The following VWF variants were observed in gnomAD, a reference collection of about 807,000 sequenced individuals.
The protein encoded by VWF is Factor VIII related antigen.
In VWF, 176 loss-of-function variants were observed where a neutral mutation model predicts 308.6. That is an observed-to-expected ratio of 0.57 (90% confidence interval 0.50 to 0.65). The LOEUF is 0.65. Ranked by LOEUF, VWF falls within the 30% of genes least tolerant of loss-of-function variation. The probability of loss-of-function intolerance (pLI) is 0.00; values close to 1 mark genes in which losing one functional copy is unlikely to be tolerated. For synonymous variants in VWF, 1,385 were observed against 1,443.4 expected (o/e 0.96, Z 0.92); for missense variants, 3,146 against 3,648.2 (o/e 0.86, Z 3.55).
intron 20 of VWF, 62 bp from the exon 21 acceptor site, chr12:6,031,640 G>T: frequency 1.2e-6 from 2 of 1,612,436 alleles, no homozygotes; most frequent in Non-Finnish European, 1.7e-6. Context: ...CAGACCAGAA[G>T]ATTGGCATCT....
intron 5 of VWF, among the ~76,000 whole-genome samples, chr12:6,104,993 C>T (rs1945225438): frequency 6.6e-6 from 1 of 152,066 alleles, no homozygotes; most frequent in Non-Finnish European, 1.5e-5. Context: ...AAACAAACCA[C>T]ATAAAGTCAA....
chr12:5,989,055 T>G (rs924606006), intron 38 of VWF, among the ~76,000 whole-genome samples: 8 of 152,068 alleles, frequency 5.3e-5, no homozygotes, highest in Non-Finnish European at 1.0e-4. Flanking sequence ...CAGCAGAGAC[T>G]AAGGGAGAGG....
At chr12:6,093,768 A>G (rs1195980360) in intron 6 of VWF, among the ~76,000 whole-genome samples, 1 of 152,150 alleles carries the variant, frequency 6.6e-6, no homozygotes, top group African/African-American at 2.4e-5. Flanking sequence ...TCTTGCCCCA[A>G]ACACCCACAC....
Position 6,075,491 on chromosome 12 carries a change from G to A in VWF, c.718C>T (p.Leu240=). 1.2e-6 allele frequency: 2 copies of A among 1,614,232 alleles called. No individual in the cohort carries two copies. Among genetic ancestry groups the A allele is most frequent in the Non-Finnish European group, 1.7e-6 (2 of 1,180,044 alleles). The stretch of plus-strand genomic sequence containing the variant: ...GCCACAAAAGGCTCGGGGTCCACCA[G>A]AGGGTGGCAGCGGGCAAACACCGAG... ...STSVFARCHP[L]VDPEPFVALC... The change falls in exon 7 of 52, where the codon CTG becomes TTG. Residue 240 remains leucine, a synonymous_variant. Coordinates refer to ENST00000261405, the MANE Select transcript of VWF (RefSeq NM_000552.5). The surrounding 1 kb of genome is among the most constrained non-coding windows in gnomAD (Gnocchi z 4.7).
chr12:6,102,729 G>A (rs1327073067), intron 5 of VWF, among the ~76,000 whole-genome samples: 4 of 136,328 alleles, frequency 2.9e-5, no homozygotes, highest in South Asian at 2.1e-4. Context: ...GCGAGACTCC[G>A]TCTCAAAAAA....
At chr12:6,069,033 T>A (rs1944754255) in intron 10 of VWF, among the ~76,000 whole-genome samples, 1 of 151,804 alleles carries the variant, frequency 6.6e-6, no homozygotes, top group South Asian at 2.1e-4. Context: ...ATGTTTGTAT[T>A]TTTTGTAGCC....
At chr12:5,959,991 G>C (rs1170195377) in intron 47 of VWF, among the ~76,000 whole-genome samples, 1 of 149,436 alleles carries the variant, frequency 6.7e-6, no homozygotes, top group East Asian at 1.9e-4. Flanking sequence ...CAATAAAATA[G>C]AAAAGAAAAA....
At chr12:5,997,801 T>A (rs149901459) in intron 34 of VWF, among the ~76,000 whole-genome samples, 2 of 152,348 alleles carry the variant, frequency 1.3e-5, no homozygotes, top group East Asian at 3.9e-4. Context: ...CATCACATTA[T>A]ACTCCAGTTT....
chr12:5,973,996 C>T (rs568107129), intron 43 of VWF, among the ~76,000 whole-genome samples: 6 of 152,252 alleles, frequency 3.9e-5, no homozygotes, highest in East Asian at 1.9e-4. Context: ...TCCTCTGACA[C>T]GAAGAGCAGA....
At chr12:6,085,328 C>CA (rs1296173083) in intron 6 of VWF, among the ~76,000 whole-genome samples, 6 of 152,222 alleles carry the variant, frequency 3.9e-5, no homozygotes, top group Non-Finnish European at 7.3e-5. Flanking sequence ...TATCACTTAC[C>CA]ATTCACTTGG....
intron 34 of VWF, among the ~76,000 whole-genome samples, chr12:6,004,620 G>C (rs1431519820): frequency 1.3e-5 from 2 of 151,640 alleles, no homozygotes; most frequent in African/African-American, 4.8e-5. Flanking sequence ...ATCATACCCA[G>C]AAAACCCTAG....
intron 16 of VWF, among the ~76,000 whole-genome samples, chr12:6,051,039 C>CTATGGTTAA (rs75336349): frequency 1.3e-5 from 2 of 151,490 alleles, no homozygotes; most frequent in East Asian, 1.9e-4. Flanking sequence ...AATAATGGTA[C>CTATGGTTAA]CTTTACTTTT....
intron 44 of VWF, 124 bp from the exon 45 acceptor site, chr12:5,969,515 C>A (rs1280801336): frequency 8.6e-7 from 1 of 1,168,688 alleles, no homozygotes; most frequent in East Asian, 2.4e-5. Flanking sequence ...ACATGTAAGT[C>A]CCACCACAGG....
rs216312 is a variant in VWF, at chr12:6,019,818, T to C, written c.3675-75A>G. 0.57 allele frequency: 845,115 copies of C among 1,486,220 alleles called. 243,405 individuals are homozygous for C. The highest frequency in any genetic ancestry group is 0.77 in the African/African-American group (55,470 of 72,290). The allele number at this position is 1,486,220 out of a possible 1,614,324, so 92.1% of individuals were successfully genotyped here. A position where few individuals can be genotyped will look rare whatever the true frequency, so the allele number is the denominator to read the frequency against. On this transcript the variant is annotated intron_variant, in intron 27 of 51. Coordinates refer to ENST00000261405, the MANE Select transcript of VWF (RefSeq NM_000552.5). This position sits in a 1 kb window ranked among gnomAD's most constrained non-coding sequence, Gnocchi z 5.8. ...CACTTCTGAGCCCTACAGTGTACAA[T>C]GACTTCCATATTCCCACAGAATCTC...
At chr12:6,039,130 C>T (rs1172203889) in intron 18 of VWF, among the ~76,000 whole-genome samples, 1 of 152,204 alleles carries the variant, frequency 6.6e-6, no homozygotes, top group African/African-American at 2.4e-5. Context: ...AGAACCACCT[C>T]CGTCTAGTGT....
intron 47 of VWF, among the ~76,000 whole-genome samples, chr12:5,954,579 G>A (rs1313235245): frequency 6.6e-6 from 1 of 152,144 alleles, no homozygotes; most frequent in Non-Finnish European, 1.5e-5. Flanking sequence ...CAGACAGTTT[G>A]GAACTGCTAG....
intron 3 of VWF, among the ~76,000 whole-genome samples, chr12:6,111,902 G>A (rs1180880301): frequency 6.6e-6 from 1 of 150,572 alleles, no homozygotes; most frequent in Non-Finnish European, 1.5e-5. Flanking sequence ...AGCTTGCAGT[G>A]AGCGGAGATC....
At chr12:5,962,807 C>T (rs1263704598) in intron 47 of VWF, among the ~76,000 whole-genome samples, 1 of 152,124 alleles carries the variant, frequency 6.6e-6, no homozygotes, top group East Asian at 1.9e-4. Flanking sequence ...CCTCAGCCTC[C>T]CAAAGTGCTG....
chr12:6,016,348 A>C, intron 30 of VWF, 116 bp from the exon 31 acceptor site: 1 of 1,534,000 alleles, frequency 6.5e-7, no homozygotes, highest in Non-Finnish European at 8.9e-7. Context: ...TCCAAGGAAC[A>C]CCCAGTTGAG....
Sources: gnomAD v4.1 joint callset for allele counts (sites outside exome capture counted in the v4.1 genomes callset) on GRCh38, gnomAD v4.1.1 for gene constraint, Gnocchi (gnomAD v3.1) non-coding constraint, MANE v1.5 for transcripts, NCBI Gene and HGNC (gene_info 2026-07-23, HGNC 2026-07-21) for gene names.